The following VWC2L variants were observed in gnomAD, a reference collection of about 807,000 sequenced individuals.
VWC2L encodes the protein von Willebrand factor C domain containing 2 like, also known as von Willebrand factor C domain-containing protein 2-like.
VWC2L carries 10 observed loss-of-function variants against 21.6 expected under a neutral mutation model. That is an observed-to-expected ratio of 0.46 (90% CI 0.29 to 0.78). The LOEUF is 0.78. Ranked by LOEUF, VWC2L falls within the 30% of genes least tolerant of loss-of-function variation. VWC2L has a pLI of 0.10. For missense variants in VWC2L, 209 were observed against 277.1 expected (o/e 0.75, Z 1.74); for synonymous variants, 96 against 94.3 (o/e 1.02, Z -0.10).
rs115034490 is a variant in VWC2L, at chr2:214,458,011, C to T, written c.520+21253C>T. Among the ~76,000 whole-genome samples, 879 of 152,050 alleles carry T rather than the reference C, an allele frequency of 5.8e-3. 8 individuals are homozygous for T. Among genetic ancestry groups the T allele is most frequent in the African/African-American group, 0.02 (823 of 41,524 alleles). Reference sequence around the variant, plus strand: ...AGTTGGAGAAAATTTCCTCCTCTTCCGTTTTTTTGAATAGTTTGAGGACAA... The same window carrying T: ...AGTTGGAGAAAATTTCCTCCTCTTCTGTTTTTTTGAATAGTTTGAGGACAA... On this transcript the variant is annotated intron_variant, in intron 3 of 3. Coordinates refer to ENST00000312504, the MANE Select transcript of VWC2L (RefSeq NM_001080500.4).
At chr2:214,573,484 C>T (rs750779139) in intron 3 of VWC2L, among the ~76,000 whole-genome samples, 4 of 152,144 alleles carry the variant, frequency 2.6e-5, no homozygotes, top group Non-Finnish European at 5.9e-5. Flanking sequence ...GGAACCACTG[C>T]CTCCTCCGGT....
intron 2 of VWC2L, among the ~76,000 whole-genome samples, chr2:214,421,464 G>T (rs1277398770): frequency 6.6e-6 from 1 of 152,066 alleles, no homozygotes; most frequent in Non-Finnish European, 1.5e-5. Flanking sequence ...AATATTTATT[G>T]CTGTCCTTCA....
chr2:214,533,875 A>C (rs1372529722), intron 3 of VWC2L: 1 of 152,184 alleles, frequency 6.6e-6, no homozygotes, highest in Non-Finnish European at 1.5e-5. Flanking sequence ...AAACCTTCCA[A>C]GTAACGGTGA....
chr2:214,495,989 A>G (rs1688806245), intron 3 of VWC2L, among the ~76,000 whole-genome samples: 1 of 152,078 alleles, frequency 6.6e-6, no homozygotes, highest in Non-Finnish European at 1.5e-5. Flanking sequence ...TCCTTAGACT[A>G]TTTCATCGCT....
chr2:214,426,396 C>T (rs1180139645), intron 2 of VWC2L, among the ~76,000 whole-genome samples: 1 of 152,058 alleles, frequency 6.6e-6, no homozygotes, highest in African/African-American at 2.4e-5. Context: ...GACCAATTCA[C>T]AGCATGAATG....
chr2:214,518,040 C>T (rs1451414209), intron 3 of VWC2L, among the ~76,000 whole-genome samples: 4 of 152,152 alleles, frequency 2.6e-5, no homozygotes, highest in African/African-American at 9.7e-5. Flanking sequence ...GTGGCAGGCA[C>T]CTGCAGTCCC....
At chr2:214,568,001 G>A (rs1339756378) in intron 3 of VWC2L, among the ~76,000 whole-genome samples, 1 of 152,152 alleles carries the variant, frequency 6.6e-6, no homozygotes, top group Admixed American at 6.5e-5. Flanking sequence ...GAAAATATAT[G>A]ATTATGAAGT....
chr2:214,446,063 T>A (rs1702833518), intron 3 of VWC2L, among the ~76,000 whole-genome samples: 1 of 152,222 alleles, frequency 6.6e-6, no homozygotes, highest in African/African-American at 2.4e-5. Context: ...AAAAACCAGC[T>A]TTTTAAATTT....
intron 3 of VWC2L, among the ~76,000 whole-genome samples, chr2:214,548,533 T>A (rs1043902131): frequency 6.6e-6 from 1 of 152,132 alleles, no homozygotes; most frequent in African/African-American, 2.4e-5. Flanking sequence ...GTCCAGTGGA[T>A]TGAGGTACCA....
intron 3 of VWC2L, among the ~76,000 whole-genome samples, chr2:214,492,826 A>G (rs1219959448): frequency 6.6e-6 from 1 of 152,140 alleles, no homozygotes; most frequent in Non-Finnish European, 1.5e-5. Flanking sequence ...GGCTTACAAC[A>G]AAGTGTTATA....
At chr2:214,462,041 C>T (rs978450790) in intron 3 of VWC2L, among the ~76,000 whole-genome samples, 20 of 151,432 alleles carry the variant, frequency 1.3e-4, no homozygotes, top group African/African-American at 3.9e-4. Context: ...TGTGTAGACA[C>T]GGGAAAATGT....
At chr2:214,474,654 G>C (rs749664213) in intron 3 of VWC2L, among the ~76,000 whole-genome samples, 5 of 152,110 alleles carry the variant, frequency 3.3e-5, no homozygotes, top group Non-Finnish European at 5.9e-5. Context: ...TGGCAATAGA[G>C]AGACTAGCTC....
intron 2 of VWC2L, among the ~76,000 whole-genome samples, chr2:214,421,653 GTAGTT>G (rs1376146759): frequency 6.6e-6 from 1 of 152,030 alleles, no homozygotes; most frequent in Non-Finnish European, 1.5e-5. Flanking sequence ...TCAGTCATCA[GTAGTT>G]TACAGACATG....
chr2:214,478,312 C>T (rs766064711), intron 3 of VWC2L, among the ~76,000 whole-genome samples: 8 of 152,094 alleles, frequency 5.3e-5, no homozygotes, highest in Admixed American at 6.5e-5. Context: ...AACCCCGTCT[C>T]TATTAAAAAT....
intron 2 of VWC2L, among the ~76,000 whole-genome samples, chr2:214,422,380 A>C (rs1312258266): frequency 6.6e-6 from 1 of 151,962 alleles, no homozygotes; most frequent in Non-Finnish European, 1.5e-5. Context: ...TAAGATATTA[A>C]ATCTTTTTGT....
chr2:214,469,630 A>G (rs1475196439), intron 3 of VWC2L, among the ~76,000 whole-genome samples: 1 of 152,136 alleles, frequency 6.6e-6, no homozygotes, highest in Non-Finnish European at 1.5e-5. Flanking sequence ...ATGTATGAGA[A>G]GATTAAAAGA....
chr2:214,443,205 C>T (rs1702786794), intron 3 of VWC2L, among the ~76,000 whole-genome samples: 1 of 151,858 alleles, frequency 6.6e-6, no homozygotes, highest in Non-Finnish European at 1.5e-5. Flanking sequence ...ATGGTGAAAC[C>T]CTGTAGCTAC....
At chr2:214,514,782 G>C (rs1207704814) in intron 3 of VWC2L, among the ~76,000 whole-genome samples, 3 of 152,176 alleles carry the variant, frequency 2.0e-5, no homozygotes, top group Non-Finnish European at 4.4e-5. Context: ...TGGTGAAAAT[G>C]TGTTATCCCA....
At position 214,514,039 on chromosome 2, in the gene VWC2L, A is replaced by G. The variant is rs527381745; in HGVS notation, c.521-61633A>G. 1.1e-3 allele frequency among the ~76,000 whole-genome samples: 169 copies of G among 152,240 alleles called. 3 individuals carry two copies. The highest frequency in any genetic ancestry group is 4.0e-3 in the African/African-American group (166 of 41,488). ...TTGGCTTGGGGTTTTATTTATAATG[A>G]GAACTGATTGATGGTTCAGCCCATA... On this transcript the variant is annotated intron_variant, in intron 3 of 3. Transcript: ENST00000312504.
Sources: gnomAD v4.1 joint callset for allele counts (sites outside exome capture counted in the v4.1 genomes callset) on GRCh38, gnomAD v4.1.1 for gene constraint, MANE v1.5 for transcripts, NCBI Gene and HGNC (gene_info 2026-07-23, HGNC 2026-07-21) for gene names.